The following LRRC8A variants were observed in gnomAD, a reference collection of about 807,000 sequenced individuals.
LRRC8A encodes leucine rich repeat containing 8 VRAC subunit A, also known as volume-regulated anion channel subunit LRRC8A.
LRRC8A carries 24 observed loss-of-function variants against 52.5 expected under a neutral mutation model. The observed-to-expected ratio is 0.46, with a 90% CI of 0.33 to 0.64. The LOEUF is 0.64. Among genes scored for constraint, LRRC8A ranks in the 30% least tolerant of loss-of-function variants. LRRC8A has a pLI of 0.02. For missense variants in LRRC8A, 677 were observed against 1,094.7 expected (o/e 0.62, Z 5.38); for synonymous variants, 492 against 494.2 (o/e 1.00, Z 0.06).
chr9:128,899,130 A>G lies in LRRC8A; in HGVS notation c.-8-8027A>G, dbSNP rs1485640439. Among the ~76,000 whole-genome samples the G allele has an allele frequency of 6.6e-6, 1 of 152,138 alleles. No individual in the cohort carries two copies. The highest frequency in any genetic ancestry group is 1.5e-5 in the Non-Finnish European group (1 of 68,024). On this transcript the variant is annotated intron_variant, in intron 2 of 3. Coordinates refer to ENST00000372600, the MANE Select transcript of LRRC8A (RefSeq NM_019594.4). This position sits in a 1 kb window ranked among gnomAD's most constrained non-coding sequence, Gnocchi z 4.0. ...CCTGGGCGCACCCACCCCTTGGCCC[A>G]TTTTTTACACAACATGGACACATGT...
chr9:128,886,510 T>C (rs923305877), intron 2 of LRRC8A, among the ~76,000 whole-genome samples: 1 of 152,200 alleles, frequency 6.6e-6, no homozygotes, highest in Non-Finnish European at 1.5e-5. Flanking sequence ...AAACAAAGAC[T>C]TCTTGTTATC....
chr9:128,909,677 C>T (rs1390882763), intron 3 of LRRC8A, among the ~76,000 whole-genome samples: 2 of 152,160 alleles, frequency 1.3e-5, no homozygotes, highest in South Asian at 2.1e-4. Context: ...AGGTCCAAAC[C>T]CGGGGGTTCT....
rs774947994 is a variant in LRRC8A, at chr9:128,908,013, C to G, written c.849C>G (p.Val283=). ...TCATCCTCATCATCTGCTACACCGT[C>G]TACTACGTGCACAACATCAAGTTCG... ...IKFILIICYT[V]YYVHNIKFDV... Residue 283 remains valine, a synonymous_variant, in exon 3 of 4, where the codon GTC becomes GTG. Coordinates refer to ENST00000372600, the MANE Select transcript of LRRC8A (RefSeq NM_019594.4). The G allele has an allele frequency of 5.0e-6, 8 of 1,614,152 alleles. No individual in the cohort carries two copies.
rs1222653903 is a variant in LRRC8A, at chr9:128,908,076, C to T, written c.912C>T (p.Gly304=). 6.2e-7 allele frequency: 1 copy of T among 1,614,030 alleles called. No individual in the cohort carries two copies. The highest frequency in any genetic ancestry group is 8.5e-7 in the Non-Finnish European group (1 of 1,180,020). The change falls in exon 3 of 4, where the codon GGC becomes GGT. Residue 304 remains glycine, a synonymous_variant. Transcript: ENST00000372600. ...DCTVDIESLT[G]YRTYRCAHPL... ...CCGTGGACATTGAGAGCCTGACGGGCTACCGCACCTACCGCTGTGCCCACC... is the reference window on the plus strand; with the variant it reads ...CCGTGGACATTGAGAGCCTGACGGGTTACCGCACCTACCGCTGTGCCCACC...
At position 128,909,222 on chromosome 9, in the gene LRRC8A, G is replaced by A. The variant is rs1588223100; in HGVS notation, c.2058G>A (p.Lys686=). 6.2e-7 allele frequency: 1 copy of A among 1,614,170 alleles called. No individual in the cohort carries two copies. Among genetic ancestry groups the A allele is most frequent in the African/African-American group, 1.3e-5 (1 of 75,058 alleles). Residue 686 remains lysine (K), a synonymous_variant, in exon 3 of 4, where the codon AAG becomes AAA. Coordinates refer to ENST00000372600, the MANE Select transcript of LRRC8A (RefSeq NM_019594.4). ...KIPTQLFYCR[K]LRYLDLSHNN... ...CCACCCAGCTCTTCTACTGCCGCAA[G>A]CTGCGCTACCTGGACCTCAGCCACA...
Position 128,902,034 on chromosome 9 carries a change from A to G in LRRC8A, c.-8-5123A>G, listed in dbSNP as rs1840047527. Among the ~76,000 whole-genome samples, 1 of 152,128 alleles carries G rather than the reference A, an allele frequency of 6.6e-6. No homozygotes were observed. Among genetic ancestry groups the G allele is most frequent in the Non-Finnish European group, 1.5e-5 (1 of 68,026 alleles). On this transcript the variant is annotated intron_variant, in intron 2 of 3. Coordinates refer to ENST00000372600, the MANE Select transcript of LRRC8A (RefSeq NM_019594.4). This position sits in a 1 kb window ranked among gnomAD's most constrained non-coding sequence, Gnocchi z 4.1. ...CAGACAGGTTACCCTTACCAGGGGTAGGCCCAGGCACCAGCCGGGCCAGGC... is the reference window on the plus strand; with the variant it reads ...CAGACAGGTTACCCTTACCAGGGGTGGGCCCAGGCACCAGCCGGGCCAGGC...
chr9:128,888,837 A>G (rs574408811), intron 2 of LRRC8A, among the ~76,000 whole-genome samples: 13 of 151,876 alleles, frequency 8.6e-5, no homozygotes, highest in African/African-American at 3.1e-4. Context: ...TCTCTCCCAT[A>G]CACTGCTTGG....
chr9:128,915,099 A>G (rs7850941), intron 3 of LRRC8A, among the ~76,000 whole-genome samples: 1 of 152,194 alleles, frequency 6.6e-6, no homozygotes, highest in Admixed American at 6.5e-5. Flanking sequence ...GGTTAAATAA[A>G]TTAATAGTAT....
intron 2 of LRRC8A, among the ~76,000 whole-genome samples, chr9:128,889,201 G>C (rs1302122441): frequency 1.3e-5 from 2 of 152,006 alleles, no homozygotes; most frequent in African/African-American, 4.8e-5. Context: ...CAGGCTTTTG[G>C]GGGCCTTCAA....
chr9:128,911,208 C>T lies in LRRC8A; in HGVS notation c.2157+1887C>T, dbSNP rs1288118240. On this transcript the variant is annotated intron_variant, in intron 3 of 3. Coordinates refer to ENST00000372600, the MANE Select transcript of LRRC8A (RefSeq NM_019594.4). This position sits in a 1 kb window ranked among gnomAD's most constrained non-coding sequence, Gnocchi z 4.9. ...TCACTCAGACTAGATGCTTCAGGCC[C>T]TCCAGATGCCTGCTGGCTTGGAAGC... Among the ~76,000 whole-genome samples, 2 of 152,214 alleles carry T rather than the reference C, an allele frequency of 1.3e-5. No individual in the cohort carries two copies. The highest frequency in any genetic ancestry group is 1.5e-5 in the Non-Finnish European group (1 of 68,038).
rs1839939663 is a variant in LRRC8A, at chr9:128,899,314, C to CA, written c.-8-7842dup. Among the ~76,000 whole-genome samples the CA allele has an allele frequency of 6.6e-6, 1 of 152,062 alleles. No individual in the cohort carries two copies. The highest frequency in any genetic ancestry group is 1.5e-5 in the Non-Finnish European group (1 of 68,018). ...AAGGCAGAGATAGCCCAGCCACCCC[C>CA]ACCCCACGCCTCAAAGGCTCCCTTC... On this transcript the variant is annotated intron_variant, in intron 2 of 3. Transcript: ENST00000372600. The surrounding 1 kb of genome is among the most constrained non-coding windows in gnomAD (Gnocchi z 4.0).
At chr9:128,888,889 C>G (rs576948833) in intron 2 of LRRC8A, among the ~76,000 whole-genome samples, 1 of 152,078 alleles carries the variant, frequency 6.6e-6, no homozygotes, top group Non-Finnish European at 1.5e-5. Flanking sequence ...TGGTGCTCAG[C>G]GTCTCTGGCT....
chr9:128,908,219 C>T lies in LRRC8A; in HGVS notation c.1055C>T (p.Ser352Leu), dbSNP rs1433365481. The T allele has an allele frequency of 2.5e-6, 4 of 1,614,090 alleles. No homozygotes were observed. Among genetic ancestry groups the T allele is most frequent in the Non-Finnish European group, 2.5e-6 (3 of 1,180,026 alleles). ...WMLRRSLKKY[S>L]FESIREESSY... is the part of the protein sequence containing the mutation. ...CTACGGCGCTCCCTCAAGAAGTACT[C>T]GTTTGAGTCGATCCGTGAGGAGAGC... Residue 352 changes from serine to leucine, a missense_variant, in exon 3 of 4, where the codon TCG (serine) becomes TTG (leucine). Physicochemically the swap from Ser to Leu is moderately radical, Grantham distance 145 (BLOSUM62 -2). Around this residue, in one of 4 missense-constraint regions of LRRC8A, gnomAD observed 422 missense variants for 741.5 expected, o/e 0.57. Coordinates refer to ENST00000372600, the MANE Select transcript of LRRC8A (RefSeq NM_019594.4).
intron 1 of LRRC8A, among the ~76,000 whole-genome samples, chr9:128,883,989 A>G (rs913391355): frequency 2.0e-5 from 3 of 152,052 alleles, no homozygotes; most frequent in Non-Finnish European, 4.4e-5. Flanking sequence ...AAACAAAAAA[A>G]AAAACAGAGC....
intron 3 of LRRC8A, among the ~76,000 whole-genome samples, chr9:128,915,179 A>C (rs996888219): frequency 5.3e-5 from 8 of 152,166 alleles, no homozygotes; most frequent in Non-Finnish European, 1.2e-4. Context: ...TAATTGCTCC[A>C]TATCCTCAGG....
intron 2 of LRRC8A, among the ~76,000 whole-genome samples, chr9:128,891,799 C>T (rs1017638815): frequency 1.3e-5 from 2 of 152,112 alleles, no homozygotes; most frequent in Admixed American, 1.3e-4. Context: ...GGGCCTGGGT[C>T]CCAGGTGGGT....
intron 2 of LRRC8A, among the ~76,000 whole-genome samples, chr9:128,889,695 A>G (rs903783894): frequency 2.4e-4 from 36 of 151,320 alleles, no homozygotes; most frequent in African/African-American, 8.8e-4. Context: ...GGGTGTCACC[A>G]TATTGGCCAT....
chr9:128,898,892 C>CA (rs1353538514), intron 2 of LRRC8A, among the ~76,000 whole-genome samples: 2 of 152,252 alleles, frequency 1.3e-5, no homozygotes, highest in East Asian at 3.8e-4. Context: ...GGGCATTTGT[C>CA]ACCTTCCGCC....
intron 2 of LRRC8A, among the ~76,000 whole-genome samples, chr9:128,904,772 A>G (rs1588215477): frequency 6.6e-6 from 1 of 151,916 alleles, no homozygotes; most frequent in African/African-American, 2.4e-5. Context: ...AGGCGGGCGG[A>G]TCACAAGGTC....
Sources: allele counts gnomAD v4.1 joint callset (sites outside exome capture counted in the v4.1 genomes callset), GRCh38; gene constraint gnomAD v4.1.1; regional missense constraint gnomAD v4.1.1; non-coding constraint Gnocchi (gnomAD v3.1); transcripts MANE v1.5; gene names NCBI Gene and HGNC (gene_info 2026-07-23, HGNC 2026-07-21).